Variants in MACO1 observed in about 807,000 individuals in gnomAD.
MACO1 encodes macoilin.
MACO1 carries 14 observed loss-of-function variants against 78.7 expected under a neutral mutation model. The observed-to-expected ratio is 0.18, with a 90% CI of 0.12 to 0.28. MACO1 has a LOEUF of 0.28. Among genes scored for constraint, MACO1 ranks in the 10% least tolerant of loss-of-function variants. MACO1 has a pLI of 1.00. For missense variants in MACO1, 501 were observed against 799.0 expected (o/e 0.63, Z 4.50); for synonymous variants, 288 against 291.6 (o/e 0.99, Z 0.12).
intron 2 of MACO1, among the ~76,000 whole-genome samples, chr1:25,447,310 C>T (rs962564140): frequency 2.0e-5 from 3 of 152,076 alleles, no homozygotes; most frequent in Admixed American, 6.5e-5. Flanking sequence ...GTGTTTCAAA[C>T]GTTTTGGTCT....
Position 25,499,625 on chromosome 1 carries a change from T to G in MACO1, c.*1159T>G, listed in dbSNP as rs2043570225. On this transcript the variant is annotated 3_prime_UTR_variant, in exon 11 of 11. Transcript: ENST00000374343. Reference sequence around the variant, plus strand: ...CAAAGATTTCAGTTTCAAATGTGTATTATACATGGGTAGAAAAGTGTTTGC... The same window carrying G: ...CAAAGATTTCAGTTTCAAATGTGTAGTATACATGGGTAGAAAAGTGTTTGC... 6.6e-6 allele frequency: 1 copy of G among 150,570 alleles called. No homozygotes were observed. Among genetic ancestry groups the G allele is most frequent in the South Asian group, 2.1e-4 (1 of 4,710 alleles). 9.3% of individuals were successfully genotyped at this position (150,570 alleles called of 1,614,324 possible). A position where few individuals can be genotyped will look rare whatever the true frequency, so the allele number is the denominator to read the frequency against.
At position 25,491,481 on chromosome 1, in the gene MACO1, C is replaced by T; in HGVS notation, c.1689C>T (p.Asp563=). 6.2e-7 allele frequency: 1 copy of T among 1,614,236 alleles called. No individual in the cohort carries two copies. The highest frequency in any genetic ancestry group is 8.5e-7 in the Non-Finnish European group (1 of 1,180,040). The change falls in exon 10 of 11, where the codon GAC becomes GAT. Residue 563 remains aspartate, a synonymous_variant. Coordinates refer to ENST00000374343, the MANE Select transcript of MACO1 (RefSeq NM_018202.6). ...VLMSALSAMQ[D]KTQHLENSLS... Reference sequence around the variant, plus strand: ...TGTCAGCCCTCTCAGCCATGCAAGACAAAACACAGCACCTGGAGAACAGCT... The same window carrying T: ...TGTCAGCCCTCTCAGCCATGCAAGATAAAACACAGCACCTGGAGAACAGCT...
intron 1 of MACO1, among the ~76,000 whole-genome samples, chr1:25,443,941 T>G (rs2042993474): frequency 1.3e-5 from 2 of 149,322 alleles, no homozygotes; most frequent in Admixed American, 1.3e-4. Context: ...CCATGCCCTT[T>G]TTTTTTTTTT....
At chr1:25,488,487 A>G (rs1221833645) in intron 8 of MACO1, among the ~76,000 whole-genome samples, 1 of 152,060 alleles carries the variant, frequency 6.6e-6, no homozygotes. Flanking sequence ...AAGTAAACCT[A>G]TAGTCTTTTT....
At chr1:25,451,932 CAAAAAAAAAAGAAAAAAG>C (rs1180683952) in intron 3 of MACO1, among the ~76,000 whole-genome samples, 3 of 89,008 alleles carry the variant, frequency 3.4e-5, no homozygotes, top group South Asian at 3.3e-4. Flanking sequence ...ACTCTGTCTC[CAAAAAAAAAAGAAAAAAG>C]AAAAAAAAAA....
At chr1:25,454,467 T>TAC (rs1406822412) in intron 4 of MACO1, 85 bp downstream of exon 4, 8 of 174,548 alleles carry the variant, frequency 4.6e-5, no homozygotes, top group African/African-American at 3.1e-4. Flanking sequence ...TGTGTGTGTG[T>TAC]GTGTATATAT....
In MACO1 at chr1:25,458,808, C is replaced by G; in HGVS notation, c.1070C>G (p.Thr357Ser). 1 of 1,614,176 alleles carries G rather than the reference C, an allele frequency of 6.2e-7. No homozygotes were observed. Among genetic ancestry groups the G allele is most frequent in the Non-Finnish European group, 8.5e-7 (1 of 1,180,042 alleles). ...SSKNEKKQKC[T>S]SKSPSTHKDL... is the part of the protein sequence containing the mutation. ...AAAAATGAGAAGAAGCAGAAATGCACTAGCAAGAGCCCAAGTACACACAAG... is the reference window on the plus strand; with the variant it reads ...AAAAATGAGAAGAAGCAGAAATGCAGTAGCAAGAGCCCAAGTACACACAAG... The change falls in exon 6 of 11, where the codon ACT (threonine) becomes AGT (serine). Residue 357 changes from threonine (T) to serine (S), a missense_variant. Physicochemically the swap from Thr to Ser is moderately conservative, Grantham distance 58. Coordinates refer to ENST00000374343, the MANE Select transcript of MACO1 (RefSeq NM_018202.6).
intron 1 of MACO1, among the ~76,000 whole-genome samples, chr1:25,438,764 G>A (rs1188002438): frequency 2.6e-5 from 4 of 152,252 alleles, no homozygotes; most frequent in Admixed American, 2.0e-4. Flanking sequence ...TTAGCTGGGC[G>A]TGGTAGCATG....
chr1:25,441,092 T>C (rs1218904522), intron 1 of MACO1, among the ~76,000 whole-genome samples: 2 of 152,260 alleles, frequency 1.3e-5, no homozygotes, highest in East Asian at 1.9e-4. Flanking sequence ...GTCAGTCACC[T>C]GTGTGTCATC....
At chr1:25,497,839 TC>T (rs1269048657) in intron 10 of MACO1, among the ~76,000 whole-genome samples, 6 of 152,186 alleles carry the variant, frequency 3.9e-5, no homozygotes, top group Non-Finnish European at 8.8e-5. Flanking sequence ...TCGCCAGCCC[TC>T]TTACGCTGTC....
At position 25,484,474 on chromosome 1, in the gene MACO1, C is replaced by T. The variant is rs748217744; in HGVS notation, c.1313+200C>T. Among the ~76,000 whole-genome samples, 5 of 152,264 alleles carry T rather than the reference C, an allele frequency of 3.3e-5. No individual in the cohort carries two copies. In the South Asian group the frequency reaches 1.0e-3, roughly 32 times the overall value. ...AAAAACTTATTTCATTGCCACAAAACAGTTTATTAATATTACTGTTTTTGT... is the reference window on the plus strand; with the variant it reads ...AAAAACTTATTTCATTGCCACAAAATAGTTTATTAATATTACTGTTTTTGT... On this transcript the variant is annotated intron_variant, in intron 7 of 10. Coordinates refer to ENST00000374343, the MANE Select transcript of MACO1 (RefSeq NM_018202.6).
intron 4 of MACO1, 82 bp downstream of exon 4, chr1:25,454,464 G>GTATATATATA (rs1206688329): frequency 1.1e-3 from 196 of 178,102 alleles, no homozygotes; most frequent in South Asian, 5.9e-3. Context: ...GTGTGTGTGT[G>GTATATATATA]TGTGTGTATA....
chr1:25,438,929 A>G (rs1183017196), intron 1 of MACO1, among the ~76,000 whole-genome samples: 1 of 152,116 alleles, frequency 6.6e-6, no homozygotes. Flanking sequence ...AAACTAAAAA[A>G]AAAAGAAGTG....
chr1:25,486,774 C>T (rs2043436821), intron 8 of MACO1, among the ~76,000 whole-genome samples: 1 of 152,162 alleles, frequency 6.6e-6, no homozygotes, highest in Non-Finnish European at 1.5e-5. Context: ...GATCCTGCCT[C>T]CCCCCAGCAG....
chr1:25,444,475 C>G (rs1274740796), intron 1 of MACO1, among the ~76,000 whole-genome samples: 1 of 151,952 alleles, frequency 6.6e-6, no homozygotes, highest in African/African-American at 2.4e-5. Flanking sequence ...AGAAAGGGTT[C>G]TAGACACAAG....
At position 25,485,614 on chromosome 1, in the gene MACO1, T is replaced by G; in HGVS notation, c.1315T>G (p.Leu439Val). The stretch of plus-strand genomic sequence containing the variant: ...TATATGACAATCATTTCCATATAGG[T>G]TACATAATGCTGTGCAAATGAAGCA... ...RQENELLQNKLHNAVQMKQKD... is the reference protein window; with the variant it reads ...RQENELLQNKVHNAVQMKQKD... The change falls in exon 8 of 11, where the codon TTA becomes GTA. Residue 439 changes from leucine (L) to valine (V), a missense_variant and splice_region_variant. This residue lies in a region of MACO1 where 163 missense variants were observed against 271.9 expected (regional missense o/e 0.60). Coordinates refer to ENST00000374343, the MANE Select transcript of MACO1 (RefSeq NM_018202.6). This position sits in a 1 kb window ranked among gnomAD's most constrained non-coding sequence, Gnocchi z 4.3. The G allele has an allele frequency of 6.2e-7, 1 of 1,610,966 alleles. No homozygotes were observed. The highest frequency in any genetic ancestry group is 8.5e-7 in the Non-Finnish European group (1 of 1,179,194).
rs372474633 is a variant in MACO1, at chr1:25,468,206, C to T, written c.1154+9314C>T. On this transcript the variant is annotated intron_variant, in intron 6 of 10. Coordinates refer to ENST00000374343, the MANE Select transcript of MACO1 (RefSeq NM_018202.6). The stretch of plus-strand genomic sequence containing the variant: ...TTATCTCTAAATAGAAGGGAGCCAG[C>T]TGCTTGTGTCCTTGAAAGCTTACAG... 1.4e-4 allele frequency among the ~76,000 whole-genome samples: 22 copies of T among 152,260 alleles called. No individual in the cohort carries two copies. The East Asian group carries it at 3.3e-3, about 23-fold the overall frequency.
intron 6 of MACO1, among the ~76,000 whole-genome samples, chr1:25,472,338 A>G (rs902716957): frequency 1.3e-5 from 2 of 151,936 alleles, no homozygotes; most frequent in African/African-American, 2.4e-5. Flanking sequence ...TACATTAGGT[A>G]TTTCTCCTAA....
intron 6 of MACO1, among the ~76,000 whole-genome samples, chr1:25,478,750 G>A (rs898704959): frequency 6.6e-6 from 1 of 152,214 alleles, no homozygotes; most frequent in African/African-American, 2.4e-5. Flanking sequence ...GGCTTGTTCA[G>A]TTGGACAAAA....
Sources: allele counts gnomAD v4.1 joint callset (sites outside exome capture counted in the v4.1 genomes callset), GRCh38; gene constraint gnomAD v4.1.1; regional missense constraint gnomAD v4.1.1; non-coding constraint Gnocchi (gnomAD v3.1); transcripts MANE v1.5; gene names NCBI Gene and HGNC (gene_info 2026-07-23, HGNC 2026-07-21).